The following FAT3 variants were observed in gnomAD, a reference collection of about 807,000 sequenced individuals.
FAT3 encodes FAT atypical cadherin 3.
In FAT3, 95 loss-of-function variants were observed where a neutral mutation model predicts 310.2. The observed-to-expected ratio is 0.31, with a 90% confidence interval of 0.26 to 0.36. The LOEUF is 0.36. FAT3 is among the 10% of genes least tolerant of loss of function. The probability of loss-of-function intolerance (pLI) is 1.00; values close to 1 mark genes in which losing one functional copy is unlikely to be tolerated. For synonymous variants in FAT3, 2,314 were observed against 2,192.9 expected, an observed-to-expected ratio of 1.06 and a Z score of -1.54; for missense variants, 5,408 against 5,715.6, an observed-to-expected ratio of 0.95 and a Z score of 1.74.
intron 4 of FAT3, among the ~76,000 whole-genome samples, chr11:92,701,834 G>A (rs1460538019): frequency 1.3e-5 from 2 of 152,170 alleles, no homozygotes; most frequent in Non-Finnish European, 2.9e-5. Context: ...CACTAACTCT[G>A]TCTTATTATA....
At chr11:92,617,896 T>TG (rs1204929262) in intron 3 of FAT3, among the ~76,000 whole-genome samples, 1 of 152,152 alleles carries the variant, frequency 6.6e-6, no homozygotes, top group Non-Finnish European at 1.5e-5. Flanking sequence ...CAGCCCCTAC[T>TG]GGGGGGTGTC....
At chr11:92,339,966 G>T (rs541198404) in intron 1 of FAT3, among the ~76,000 whole-genome samples, 8 of 152,054 alleles carry the variant, frequency 5.3e-5, no homozygotes, top group Non-Finnish European at 1.2e-4. Context: ...CAAAAAATTA[G>T]CCAGGCGTGG....
At chr11:92,774,256 A>G in intron 7 of FAT3, 76 bp downstream of exon 7, 2 of 1,424,398 alleles carry the variant, frequency 1.4e-6, no homozygotes, top group Non-Finnish European at 1.9e-6. Context: ...ATGAAAAAAA[A>G]ATGTAATGGA....
chr11:92,508,798 GA>G (rs1953196876), intron 2 of FAT3, among the ~76,000 whole-genome samples: 1 of 152,118 alleles, frequency 6.6e-6, no homozygotes, highest in Admixed American at 6.6e-5. Context: ...TGCTAAGTTA[GA>G]GAGTCGGTAT....
At position 92,358,042 on chromosome 11, in the gene FAT3, G is replaced by A. The variant is rs1343243483; in HGVS notation, c.3292+2638G>A. 2.0e-5 allele frequency among the ~76,000 whole-genome samples: 3 copies of A among 151,362 alleles called. No individual in the cohort carries two copies. In the East Asian group the frequency reaches 5.8e-4, roughly 29 times the overall value. The stretch of plus-strand genomic sequence containing the variant: ...CAGAAAATTATCTGGGTGTGGTGGT[G>A]CACGCCTGTAGTCACAGTGACTCAG... On this transcript the variant is annotated intron_variant, in intron 2 of 27. Coordinates refer to ENST00000525166, the MANE Select transcript of FAT3 (RefSeq NM_001367949.2).
At chr11:92,704,426 C>T (rs1034501948) in intron 4 of FAT3, among the ~76,000 whole-genome samples, 14 of 152,138 alleles carry the variant, frequency 9.2e-5, no homozygotes, top group African/African-American at 3.4e-4. Flanking sequence ...AATTGTGCAC[C>T]ACCTCCCACC....
intron 7 of FAT3, 36 bp from the exon 8 acceptor site, chr11:92,789,907 G>A (rs1946992168): frequency 1.2e-6 from 2 of 1,605,158 alleles, no homozygotes; most frequent in Non-Finnish European, 1.7e-6. Flanking sequence ...GAGCAAATTG[G>A]CATTAGTCAT....
At chr11:92,423,070 A>G (rs1029019508) in intron 2 of FAT3, among the ~76,000 whole-genome samples, 79 of 152,292 alleles carry the variant, frequency 5.2e-4, no homozygotes, top group African/African-American at 1.8e-3. Flanking sequence ...TTTCATTTAT[A>G]TTTAGGAGAA....
chr11:92,708,255 G>A (rs995581828), intron 4 of FAT3, among the ~76,000 whole-genome samples: 1 of 152,122 alleles, frequency 6.6e-6, no homozygotes, highest in African/African-American at 2.4e-5. Context: ...GTGTAGAACT[G>A]TAAGGATGTT....
intron 2 of FAT3, among the ~76,000 whole-genome samples, chr11:92,356,604 C>G (rs752765476): frequency 6.6e-6 from 1 of 152,294 alleles, no homozygotes; most frequent in East Asian, 1.9e-4. Context: ...TGGTGCTTTT[C>G]TTCCCGTAAG....
At chr11:92,749,608 G>A (rs2634181) in intron 4 of FAT3, among the ~76,000 whole-genome samples, 37,273 of 152,054 alleles carry the variant, frequency 0.25, 5,693 homozygotes, top group African/African-American at 0.43. Context: ...TTATCCTGGG[G>A]TTCTTTGGGA....
chr11:92,620,523 A>G (rs556513747), intron 3 of FAT3, among the ~76,000 whole-genome samples: 51 of 152,344 alleles, frequency 3.3e-4, no homozygotes, highest in Non-Finnish European at 5.6e-4. Flanking sequence ...TCTCCCCAGT[A>G]GCTAACTGTA....
chr11:92,887,580 A>G (rs1949825949), intron 25 of FAT3, among the ~76,000 whole-genome samples: 1 of 152,186 alleles, frequency 6.6e-6, no homozygotes, highest in Non-Finnish European at 1.5e-5. Flanking sequence ...CCTTGTAATC[A>G]TTTGGGTTAT....
chr11:92,378,972 A>G (rs1389855408), intron 2 of FAT3, among the ~76,000 whole-genome samples: 6 of 152,118 alleles, frequency 3.9e-5, no homozygotes, highest in African/African-American at 1.2e-4. Context: ...ACTTCCTAAT[A>G]TTATCACCTT....
At chr11:92,617,793 A>T (rs1485908707) in intron 3 of FAT3, among the ~76,000 whole-genome samples, 1 of 152,210 alleles carries the variant, frequency 6.6e-6, no homozygotes, top group Non-Finnish European at 1.5e-5. Flanking sequence ...AGCCTGCAGA[A>T]CAGCAAATAT....
chr11:92,370,017 G>A (rs1311315614), intron 2 of FAT3, among the ~76,000 whole-genome samples: 1 of 152,122 alleles, frequency 6.6e-6, no homozygotes, highest in South Asian at 2.1e-4. Context: ...TATCCAGGAA[G>A]CACACTAAAA....
chr11:92,598,622 T>A (rs1345968656), intron 3 of FAT3, among the ~76,000 whole-genome samples: 15 of 152,172 alleles, frequency 9.9e-5, no homozygotes. Flanking sequence ...TCAGAAAGGT[T>A]ATGTAACTTG....
chr11:92,573,795 C>T (rs1367026205), intron 3 of FAT3, among the ~76,000 whole-genome samples: 1 of 152,076 alleles, frequency 6.6e-6, no homozygotes, highest in Non-Finnish European at 1.5e-5. Flanking sequence ...GTGAACCAAA[C>T]CTGCCAACAC....
At position 92,310,902 on chromosome 11, in the gene FAT3, C is replaced by T. The variant is rs529493751; in HGVS notation, c.-17-41194C>T. ...CTTGCAAGACCAGAGATGTTTTGAGCGTAGGGTACAACCAGATTTTTTTCC... is the reference window on the plus strand; with the variant it reads ...CTTGCAAGACCAGAGATGTTTTGAGTGTAGGGTACAACCAGATTTTTTTCC... On this transcript the variant is annotated intron_variant, in intron 1 of 27. Coordinates refer to ENST00000525166, the MANE Select transcript of FAT3 (RefSeq NM_001367949.2). 2.1e-4 allele frequency among the ~76,000 whole-genome samples: 32 copies of T among 151,764 alleles called. 1 individual carries two copies. The East Asian group carries it at 5.0e-3, about 24-fold the overall frequency.
Sources: allele counts gnomAD v4.1 joint callset (sites outside exome capture counted in the v4.1 genomes callset), GRCh38; gene constraint gnomAD v4.1.1; transcripts MANE v1.5; gene names NCBI Gene and HGNC (gene_info 2026-07-23, HGNC 2026-07-21).